TRHDE: variants seen among roughly 807,000 people sequenced by gnomAD.
The protein encoded by TRHDE is thyrotropin-releasing hormone-degrading ectoenzyme.
A neutral mutation model predicts 125.7 loss-of-function variants in TRHDE; 72 were observed. The ratio of observed to expected loss-of-function variants is 0.57; its 90% CI spans 0.47 to 0.70. TRHDE has a LOEUF of 0.70. Ranked by LOEUF, TRHDE falls within the 30% of genes least tolerant of loss-of-function variation. TRHDE has a pLI of 0.00. For missense variants in TRHDE, 1,110 were observed against 1,327.1 expected (o/e 0.84, Z 2.54); for synonymous variants, 509 against 509.1 (o/e 1.00, Z 0.00).
At chr12:72,566,668 C>CA (rs1870463305) in intron 9 of TRHDE, among the ~76,000 whole-genome samples, 1 of 151,708 alleles carries the variant, frequency 6.6e-6, no homozygotes, top group South Asian at 2.1e-4. Context: ...GATCATGCTA[C>CA]AAAAAAGACA....
chr12:72,405,211 A>G (rs1042063344), intron 3 of TRHDE, among the ~76,000 whole-genome samples: 1 of 152,246 alleles, frequency 6.6e-6, no homozygotes, highest in Non-Finnish European at 1.5e-5. Context: ...GCACTATCCC[A>G]AGACATCGTA....
intron 2 of TRHDE, among the ~76,000 whole-genome samples, chr12:72,349,839 T>C (rs1870501954): frequency 6.6e-6 from 1 of 152,044 alleles, no homozygotes; most frequent in Admixed American, 6.6e-5. Flanking sequence ...GAGTCACTTC[T>C]TTGAGACCTA....
intron 3 of TRHDE, among the ~76,000 whole-genome samples, chr12:72,399,676 C>G (rs1293847973): frequency 6.6e-6 from 1 of 151,990 alleles, no homozygotes; most frequent in Non-Finnish European, 1.5e-5. Context: ...CATATAAGCT[C>G]AAAAATAACT....
chr12:72,625,217 G>GTATC (rs1056471545), intron 15 of TRHDE, among the ~76,000 whole-genome samples: 1 of 151,846 alleles, frequency 6.6e-6, no homozygotes, highest in East Asian at 1.9e-4. Flanking sequence ...AGTTAAATAT[G>GTATC]TATCATAATA....
At chr12:72,287,042 AC>A (rs1356885185) in intron 2 of TRHDE, 88 bp downstream of exon 2, 16 of 1,282,906 alleles carry the variant, frequency 1.2e-5, no homozygotes, top group South Asian at 8.5e-5. Context: ...GTCATTTCTA[AC>A]CTTTTTACAC....
In TRHDE at chr12:72,586,460, C is replaced by T. The variant is rs887889481; in HGVS notation, c.2321+10918C>T. 4.6e-5 allele frequency among the ~76,000 whole-genome samples: 7 copies of T among 152,222 alleles called. 1 individual carries two copies. Among genetic ancestry groups the T allele is most frequent in the African/African-American group, 4.8e-5 (2 of 41,554 alleles). ...TGGAGTGGAGTATCATTGAAGAGGC[C>T]TTCACTATTTTGGATGTAAGAAAAC... On this transcript the variant is annotated intron_variant, in intron 12 of 18. Transcript: ENST00000261180.
chr12:72,436,569 A>T (rs959268424), intron 3 of TRHDE, among the ~76,000 whole-genome samples: 1 of 151,922 alleles, frequency 6.6e-6, no homozygotes, highest in East Asian at 1.9e-4. Flanking sequence ...TGAACTTCAC[A>T]GGGTTCTTAT....
intron 6 of TRHDE, among the ~76,000 whole-genome samples, chr12:72,501,426 T>C (rs1165304974): frequency 6.6e-6 from 1 of 152,106 alleles, no homozygotes; most frequent in Non-Finnish European, 1.5e-5. Context: ...TCAATGCTTT[T>C]CTCCAGAATC....
intron 3 of TRHDE, among the ~76,000 whole-genome samples, chr12:72,417,910 G>T (rs1361017798): frequency 6.6e-6 from 1 of 152,054 alleles, no homozygotes; most frequent in African/African-American, 2.4e-5. Context: ...ATTAAGTGCA[G>T]CAGAAAACTG....
At chr12:72,241,305 A>G (rs1565670909) in intron 2 of TRHDE, among the ~76,000 whole-genome samples, 2 of 152,258 alleles carry the variant, frequency 1.3e-5, no homozygotes, top group South Asian at 4.1e-4. Flanking sequence ...TTGTAGTCAC[A>G]TACTCCCCTT....
intron 1 of TRHDE, among the ~76,000 whole-genome samples, chr12:72,098,461 T>G (rs1184405027): frequency 6.6e-6 from 1 of 152,162 alleles, no homozygotes; most frequent in East Asian, 1.9e-4. Flanking sequence ...CACAATTTCT[T>G]CTATCCAAAG....
intron 12 of TRHDE, among the ~76,000 whole-genome samples, chr12:72,604,748 C>T (rs1872360636): frequency 6.6e-6 from 1 of 151,934 alleles, no homozygotes; most frequent in Admixed American, 6.6e-5. Context: ...TTCATTGATG[C>T]TTCAACTTTA....
chr12:72,268,811 A>G (rs1879127402), upstream of TRHDE, among the ~76,000 whole-genome samples: 1 of 152,076 alleles, frequency 6.6e-6, no homozygotes, highest in African/African-American at 2.4e-5. Context: ...ATGTATATTA[A>G]ATATTCAGAC....
intron 9 of TRHDE, among the ~76,000 whole-genome samples, chr12:72,567,684 TC>T (rs2136017776): frequency 6.6e-6 from 1 of 152,140 alleles, no homozygotes; most frequent in African/African-American, 2.4e-5. Context: ...AAATATTTTT[TC>T]CATACTGGAA....
chr12:72,392,422 A>G (rs891778579), intron 3 of TRHDE, among the ~76,000 whole-genome samples: 7 of 152,080 alleles, frequency 4.6e-5, no homozygotes, highest in Non-Finnish European at 1.0e-4. Flanking sequence ...AATATCTTTT[A>G]CTCTGTGTCA....
At chr12:72,208,256 A>G (rs1877708739) in intron 2 of TRHDE, among the ~76,000 whole-genome samples, 1 of 152,074 alleles carries the variant, frequency 6.6e-6, no homozygotes, top group Non-Finnish European at 1.5e-5. Context: ...CAGACATTCA[A>G]GAGTCAAATC....
At chr12:72,409,014 A>G (rs1040268596) in intron 3 of TRHDE, among the ~76,000 whole-genome samples, 17 of 152,304 alleles carry the variant, frequency 1.1e-4, no homozygotes, top group Admixed American at 3.3e-4. Flanking sequence ...AACAGAACAA[A>G]TACTAGTCTA....
Position 72,562,955 on chromosome 12 carries a change from G to T in TRHDE, c.1957G>T (p.Ala653Ser), listed in dbSNP as rs762517438. 1 of 1,610,270 alleles carries T rather than the reference G, an allele frequency of 6.2e-7. No individual in the cohort carries two copies. Among genetic ancestry groups the T allele is most frequent in the South Asian group, 1.1e-5 (1 of 90,738 alleles). The change falls in exon 9 of 19, where the codon GCA becomes TCA. Residue 653 changes from alanine to serine, a missense_variant. Physicochemically the swap from Ala to Ser is moderately conservative, Grantham distance 99. Coordinates refer to ENST00000261180, the MANE Select transcript of TRHDE (RefSeq NM_013381.3). ...PVITILGNTT[A>S]ENRIIITQQH... ...TATCACCATCTTGGGAAACACAACA[G>T]CAGAAAATAGAATAATAATTACCCA...
At chr12:72,138,402 A>G (rs1282106961) in intron 2 of TRHDE, among the ~76,000 whole-genome samples, 1 of 152,168 alleles carries the variant, frequency 6.6e-6, no homozygotes, top group Non-Finnish European at 1.5e-5. Context: ...AAGCCAAACC[A>G]AAACAAAACA....
Sources: gnomAD v4.1 joint callset for allele counts (sites outside exome capture counted in the v4.1 genomes callset) on GRCh38, gnomAD v4.1.1 for gene constraint, MANE v1.5 for transcripts, NCBI Gene and HGNC (gene_info 2026-07-23, HGNC 2026-07-21) for gene names.